The following TNKS variants were observed in gnomAD, a reference collection of about 807,000 sequenced individuals.
The protein encoded by TNKS is tankyrase.
TNKS carries 72 observed loss-of-function variants against 135.8 expected under a neutral mutation model. The observed-to-expected ratio is 0.53, with a 90% CI of 0.44 to 0.64. TNKS has a LOEUF of 0.64. TNKS is among the 30% of genes least tolerant of loss of function. The pLI is 0.00. For synonymous variants in TNKS, 849 were observed against 649.3 expected (o/e 1.31, Z -4.68); for missense variants, 1,769 against 1,674.0 (o/e 1.06, Z -0.99).
chr8:9,600,176 G>A (rs1393521237), intron 2 of TNKS, among the ~76,000 whole-genome samples: 1 of 152,188 alleles, frequency 6.6e-6, no homozygotes, highest in Non-Finnish European at 1.5e-5. Context: ...CAGCAGAACT[G>A]GTATTCTAGC....
At chr8:9,747,729 T>C (rs910772975) in intron 17 of TNKS, among the ~76,000 whole-genome samples, 4 of 152,216 alleles carry the variant, frequency 2.6e-5, no homozygotes, top group Non-Finnish European at 5.9e-5. Context: ...ACAAAGTATT[T>C]GTTTTTAAAA....
At chr8:9,644,473 C>T (rs576728272) in intron 3 of TNKS, among the ~76,000 whole-genome samples, 1 of 152,242 alleles carries the variant, frequency 6.6e-6, no homozygotes, top group East Asian at 1.9e-4. Context: ...TTCACTACTT[C>T]ATTGGTCAAA....
intron 1 of TNKS, among the ~76,000 whole-genome samples, chr8:9,577,703 G>A (rs763031620): frequency 2.0e-5 from 3 of 152,124 alleles, no homozygotes; most frequent in Admixed American, 6.5e-5. Flanking sequence ...CATGAGATTT[G>A]GGTGGGGCCA....
At chr8:9,600,464 C>T (rs751245946) in intron 2 of TNKS, among the ~76,000 whole-genome samples, 43 of 151,970 alleles carry the variant, frequency 2.8e-4, no homozygotes, top group Non-Finnish European at 4.1e-4. Context: ...CAGGTGCACA[C>T]CATCATGCTT....
At chr8:9,763,019 C>CAGAT (rs1807230549) in intron 21 of TNKS, 128 bp from the exon 22 acceptor site, 2 of 414,876 alleles carry the variant, frequency 4.8e-6, no homozygotes, top group Admixed American at 8.8e-5. Flanking sequence ...GTTCAAATTG[C>CAGAT]AGATAGTTTA....
At chr8:9,603,959 TA>T (rs1799120378) in intron 2 of TNKS, among the ~76,000 whole-genome samples, 2 of 151,050 alleles carry the variant, frequency 1.3e-5, no homozygotes, top group South Asian at 4.2e-4. Context: ...ACTCTTCTGT[TA>T]AAAAAACAAA....
chr8:9,591,895 C>T (rs978351339), intron 2 of TNKS, among the ~76,000 whole-genome samples: 5 of 152,154 alleles, frequency 3.3e-5, no homozygotes, highest in Admixed American at 6.5e-5. Flanking sequence ...GTTTTAATTA[C>T]ACTGTGGAAA....
intron 3 of TNKS, among the ~76,000 whole-genome samples, chr8:9,628,926 T>C (rs554962646): frequency 1.3e-5 from 2 of 152,332 alleles, no homozygotes; most frequent in South Asian, 4.1e-4. Context: ...GCTACCCGGT[T>C]GCTCCAGCCA....
intron 2 of TNKS, among the ~76,000 whole-genome samples, chr8:9,614,806 T>A (rs1799580254): frequency 6.6e-6 from 1 of 152,184 alleles, no homozygotes; most frequent in East Asian, 1.9e-4. Context: ...ATACCAGATG[T>A]GGCTGATAAA....
At chr8:9,561,268 A>G (rs1421045260) in intron 1 of TNKS, among the ~76,000 whole-genome samples, 1 of 152,206 alleles carries the variant, frequency 6.6e-6, no homozygotes, top group Non-Finnish European at 1.5e-5. Context: ...TCTTATGTGT[A>G]CATTCACTGA....
In TNKS at chr8:9,711,509, G is replaced by A. The variant is rs1013355789; in HGVS notation, c.1749+1289G>A. On this transcript the variant is annotated intron_variant, in intron 11 of 26. Transcript: ENST00000310430. ...TAGTGACCCTGACAAGGGACACAGG[G>A]AGTGACCCTGACATGCTTTTATAGT... Among the ~76,000 whole-genome samples the A allele has an allele frequency of 2.6e-5, 4 of 152,166 alleles. No homozygotes were observed. The East Asian group carries it at 7.7e-4, about 29-fold the overall frequency.
chr8:9,655,033 G>A (rs531217567), intron 3 of TNKS, among the ~76,000 whole-genome samples: 1 of 152,304 alleles, frequency 6.6e-6, no homozygotes. Context: ...CTGGAAAATC[G>A]GGTCACTCCC....
intron 2 of TNKS, among the ~76,000 whole-genome samples, chr8:9,588,204 C>T (rs1798460036): frequency 6.6e-6 from 1 of 151,992 alleles, no homozygotes; most frequent in African/African-American, 2.4e-5. Context: ...TTAAACTGAA[C>T]ATTTTCTTTG....
chr8:9,764,804 G>C lies in TNKS; in HGVS notation c.3447+14G>C. ...AATGTCATTCGAGTAAGTTTTTAAA[G>C]TTTCATGGTGAAAACTGGATTGCAA... On this transcript the variant is annotated intron_variant, in intron 23 of 26. Transcript: ENST00000310430. 2 of 1,574,028 alleles carry C rather than the reference G, an allele frequency of 1.3e-6. No homozygotes were observed. Among genetic ancestry groups the C allele is most frequent in the Non-Finnish European group, 8.6e-7 (1 of 1,162,846 alleles).
Position 9,774,045 on chromosome 8 carries a change from C to T in TNKS, c.3898-2605C>T, listed in dbSNP as rs114808896. Among the ~76,000 whole-genome samples the T allele has an allele frequency of 9.7e-3, 1,480 of 152,148 alleles. 19 individuals are homozygous for T. The highest frequency in any genetic ancestry group is 0.034 in the African/African-American group (1,426 of 41,488). ...GTATTCGTTATTGGTGGGAATGTTT[C>T]TTTCTTGAAGATTGAAAAGATATAT... On this transcript the variant is annotated intron_variant, in intron 26 of 26. Coordinates refer to ENST00000310430, the MANE Select transcript of TNKS (RefSeq NM_003747.3).
chr8:9,604,627 G>A (rs6422355), intron 2 of TNKS, among the ~76,000 whole-genome samples: 151,971 of 152,046 alleles, frequency 1, 75,949 homozygotes, highest in Middle Eastern at 1. Flanking sequence ...CCTAATTTAT[G>A]TGTGAAAAAC....
intron 2 of TNKS, among the ~76,000 whole-genome samples, chr8:9,605,450 G>T (rs1585221502): frequency 6.6e-6 from 1 of 151,984 alleles, no homozygotes; most frequent in Non-Finnish European, 1.5e-5. Context: ...TCACATGCAA[G>T]TCTTTTGTGT....
chr8:9,566,283 G>C (rs1402655347), intron 1 of TNKS: 1 of 152,066 alleles, frequency 6.6e-6, no homozygotes, highest in Non-Finnish European at 1.5e-5. Flanking sequence ...TTTGGAAAAA[G>C]AAAACTTTTT....
chr8:9,702,634 G>A (rs760683553), intron 5 of TNKS, among the ~76,000 whole-genome samples: 20 of 152,206 alleles, frequency 1.3e-4, no homozygotes, highest in Non-Finnish European at 2.6e-4. Flanking sequence ...AGTATCATTT[G>A]CAGTAGCATT....
Sources: gnomAD v4.1 joint callset for allele counts (sites outside exome capture counted in the v4.1 genomes callset) on GRCh38, gnomAD v4.1.1 for gene constraint, MANE v1.5 for transcripts, NCBI Gene and HGNC (gene_info 2026-07-23, HGNC 2026-07-21) for gene names.